The following APAF1 variants were observed in gnomAD, a reference collection of about 807,000 sequenced individuals.
APAF1 encodes the protein apoptotic peptidase activating factor 1, also known as apoptotic protease-activating factor 1.
A neutral mutation model predicts 152.4 loss-of-function variants in APAF1; 91 were observed. The ratio of observed to expected loss-of-function variants is 0.60; its 90% CI spans 0.50 to 0.71. The LOEUF is 0.71. APAF1 is among the 30% of genes least tolerant of loss of function. The pLI is 0.00. For synonymous variants in APAF1, 484 were observed against 494.1 expected (o/e 0.98, Z 0.27); for missense variants, 1,283 against 1,472.0 (o/e 0.87, Z 2.10).
Position 98,728,602 on chromosome 12 carries a change from T to C in APAF1, c.3600+1286T>C, listed in dbSNP as rs550921129. 1.3e-3 allele frequency among the ~76,000 whole-genome samples: 191 copies of C among 152,114 alleles called. 1 individual carries two copies. The highest frequency in any genetic ancestry group is 4.4e-3 in the African/African-American group (181 of 41,496). On this transcript the variant is annotated intron_variant, in intron 26 of 26. Coordinates refer to ENST00000551964, the MANE Select transcript of APAF1 (RefSeq NM_181861.2). The stretch of plus-strand genomic sequence containing the variant: ...TGGGTTTTGTGGCGGGCACCTGTAG[T>C]CCCAGCTACTTGGGAGGCTGAGAGG...
chr12:98,654,518 C>A (rs1375318752), intron 4 of APAF1, among the ~76,000 whole-genome samples: 1 of 152,108 alleles, frequency 6.6e-6, no homozygotes, highest in Admixed American at 6.6e-5. Context: ...GACAGTCCCC[C>A]TGCCTCAGCC....
chr12:98,675,920 T>C (rs886911315), intron 12 of APAF1, among the ~76,000 whole-genome samples: 8 of 152,246 alleles, frequency 5.3e-5, no homozygotes, highest in Admixed American at 1.3e-4. Flanking sequence ...ATGATAGTAG[T>C]GGCACCTTTA....
intron 10 of APAF1, among the ~76,000 whole-genome samples, chr12:98,668,385 A>G (rs1354830041): frequency 3.3e-5 from 5 of 152,186 alleles, no homozygotes; most frequent in African/African-American, 7.2e-5. Flanking sequence ...GTGGAAAAGT[A>G]TATTCATTGA....
intron 17 of APAF1, among the ~76,000 whole-genome samples, chr12:98,702,948 G>C (rs779176654): frequency 3.8e-4 from 57 of 151,986 alleles, no homozygotes; most frequent in South Asian, 2.1e-4. Context: ...GGTAGTTCTA[G>C]AGAGAAATAA....
intron 21 of APAF1, chr12:98,712,793 C>A: frequency 4.2e-6 from 1 of 239,660 alleles, no homozygotes. Flanking sequence ...GGATTATAGG[C>A]ATGGGAGCTT....
At chr12:98,685,925 C>T (rs1320275319) in intron 15 of APAF1, among the ~76,000 whole-genome samples, 1 of 152,180 alleles carries the variant, frequency 6.6e-6, no homozygotes, top group Non-Finnish European at 1.5e-5. Flanking sequence ...GGGTGAGCCG[C>T]CATGTCCAGC....
intron 17 of APAF1, among the ~76,000 whole-genome samples, chr12:98,700,579 A>C (rs1374170410): frequency 6.6e-6 from 1 of 152,238 alleles, no homozygotes; most frequent in African/African-American, 2.4e-5. Context: ...CTGCATAAGC[A>C]AGACTTGAAG....
chr12:98,663,133 A>T (rs1227602705), intron 7 of APAF1, among the ~76,000 whole-genome samples: 1 of 152,200 alleles, frequency 6.6e-6, no homozygotes, highest in African/African-American at 2.4e-5. Context: ...GGGATTTTAT[A>T]AAAATAGTGT....
At chr12:98,699,144 G>T (rs1441541452) in intron 16 of APAF1, among the ~76,000 whole-genome samples, 1 of 152,108 alleles carries the variant, frequency 6.6e-6, no homozygotes, top group African/African-American at 2.4e-5. Context: ...GTAATTTTTA[G>T]CTTCCACACC....
intron 13 of APAF1, 34 bp from the exon 14 acceptor site, chr12:98,680,243 T>C (rs1003390499): frequency 6.5e-7 from 1 of 1,542,630 alleles, no homozygotes; most frequent in South Asian, 1.2e-5. Context: ...TTAAGCAGTT[T>C]ATTATAAAAA....
rs2097751954 is a variant in APAF1, at chr12:98,727,284, A to G, written c.3568A>G (p.Lys1190Glu). The G allele has an allele frequency of 6.2e-7, 1 of 1,614,198 alleles. No individual in the cohort carries two copies. The change falls in exon 26 of 27, where the codon AAA becomes GAA. Residue 1190 changes from lysine (K) to glutamate (E), a missense_variant. Lys to Glu is a moderately conservative substitution (Grantham distance 56, BLOSUM62 1). Transcript: ENST00000551964. ...VTDLCFSPDG[K>E]MLISAGGYIK... ...TGACCTTTGCTTTTCTCCAGATGGC[A>G]AAATGCTTATCTCTGCTGGAGGATA...
intron 10 of APAF1, among the ~76,000 whole-genome samples, chr12:98,668,655 T>A (rs895005066): frequency 2.1e-4 from 32 of 151,990 alleles, no homozygotes; most frequent in Admixed American, 5.9e-4. Flanking sequence ...AAGAGAAGAA[T>A]CAAAGATGAC....
intron 15 of APAF1, among the ~76,000 whole-genome samples, chr12:98,685,600 C>T (rs1001203208): frequency 7.9e-5 from 12 of 152,036 alleles, no homozygotes; most frequent in African/African-American, 2.9e-4. Context: ...TCCCAAAGTG[C>T]TAGGATTACA....
intron 22 of APAF1, among the ~76,000 whole-genome samples, chr12:98,717,990 A>T (rs181776327): frequency 7.2e-5 from 11 of 152,270 alleles, no homozygotes; most frequent in Admixed American, 3.3e-4. Context: ...CCTGGCTGGC[A>T]GGTTCTCAGA....
chr12:98,665,279 T>TA (rs1491328899), intron 7 of APAF1, among the ~76,000 whole-genome samples: 5,562 of 64,880 alleles, frequency 0.086, 189 homozygotes, highest in Non-Finnish European at 0.11. Flanking sequence ...TATATATATA[T>TA]TTTTTTTTTT....
At chr12:98,681,250 CAG>C in intron 14 of APAF1, among the ~76,000 whole-genome samples, 1 of 152,136 alleles carries the variant, frequency 6.6e-6, no homozygotes. Context: ...TTGGTAGAGA[CAG>C]AGTTTTGCCA....
chr12:98,726,935 T>C (rs2097751433), intron 25 of APAF1, among the ~76,000 whole-genome samples: 1 of 152,220 alleles, frequency 6.6e-6, no homozygotes, highest in African/African-American at 2.4e-5. Context: ...TCTTTTACCA[T>C]TTATGCCTCT....
chr12:98,728,818 C>G (rs999145453), intron 26 of APAF1, among the ~76,000 whole-genome samples: 5 of 152,210 alleles, frequency 3.3e-5, no homozygotes, highest in African/African-American at 4.8e-5. Context: ...CTTTCTCTAG[C>G]TAATTGGCTT....
At chr12:98,729,839 C>A (rs2097757682) in intron 26 of APAF1, among the ~76,000 whole-genome samples, 1 of 152,102 alleles carries the variant, frequency 6.6e-6, no homozygotes, top group East Asian at 1.9e-4. Flanking sequence ...AATTAGAGGA[C>A]AGTTTTTAGC....
Sources: gnomAD v4.1 joint callset for allele counts (sites outside exome capture counted in the v4.1 genomes callset) on GRCh38, gnomAD v4.1.1 for gene constraint, MANE v1.5 for transcripts, NCBI Gene and HGNC (gene_info 2026-07-23, HGNC 2026-07-21) for gene names.